Variants in EHBP1 observed in about 807,000 individuals in gnomAD.
EHBP1 encodes EH domain binding protein 1.
In EHBP1, 55 loss-of-function variants were observed where a neutral mutation model predicts 144.0. The ratio of observed to expected loss-of-function variants is 0.38; its 90% CI spans 0.31 to 0.48. EHBP1 has a LOEUF of 0.48. Ranked by LOEUF, EHBP1 falls within the 20% of genes least tolerant of loss-of-function variation. The probability of loss-of-function intolerance (pLI) is 0.98; values close to 1 mark genes in which losing one functional copy is unlikely to be tolerated. For missense variants in EHBP1, 1,200 were observed against 1,364.2 expected, an observed-to-expected ratio of 0.88 and a Z score of 1.90; for synonymous variants, 469 against 472.7, an observed-to-expected ratio of 0.99 and a Z score of 0.10.
At chr2:63,029,286 C>G (rs2061128327) in intron 19 of EHBP1, among the ~76,000 whole-genome samples, 1 of 151,926 alleles carries the variant, frequency 6.6e-6, no homozygotes, top group Non-Finnish European at 1.5e-5. Flanking sequence ...TGTACTGATT[C>G]ACCCACATTT....
intron 21 of EHBP1, among the ~76,000 whole-genome samples, chr2:63,040,064 A>G (rs549268686): frequency 6.6e-6 from 1 of 151,866 alleles, no homozygotes; most frequent in South Asian, 2.1e-4. Flanking sequence ...CTCTTGATAT[A>G]GTTTTTGTAG....
intron 8 of EHBP1, among the ~76,000 whole-genome samples, chr2:62,863,797 TTTTTA>T (rs1167322141): frequency 1.3e-5 from 2 of 151,050 alleles, no homozygotes; most frequent in Non-Finnish European, 2.9e-5. Flanking sequence ...TTTCCTGTTC[TTTTTA>T]TTTTATTTTA....
chr2:62,786,978 T>C (rs1396078589), intron 5 of EHBP1, among the ~76,000 whole-genome samples: 4 of 152,244 alleles, frequency 2.6e-5, no homozygotes, highest in African/African-American at 7.2e-5. Context: ...CTTTAACTGC[T>C]ATGTTCCTTG....
intron 5 of EHBP1, among the ~76,000 whole-genome samples, chr2:62,785,472 G>A (rs964450080): frequency 6.6e-6 from 1 of 152,086 alleles, no homozygotes; most frequent in African/African-American, 2.4e-5. Context: ...TCATTTCAAG[G>A]GCTAAGGGAG....
At chr2:62,993,292 A>G (rs1260381734) in intron 16 of EHBP1, among the ~76,000 whole-genome samples, 1 of 152,186 alleles carries the variant, frequency 6.6e-6, no homozygotes, top group Non-Finnish European at 1.5e-5. Context: ...AATGATATGT[A>G]TCACTGGTGG....
At chr2:62,687,882 A>T (rs1026227465) in intron 1 of EHBP1, among the ~76,000 whole-genome samples, 8 of 152,162 alleles carry the variant, frequency 5.3e-5, no homozygotes, top group African/African-American at 1.9e-4. Context: ...GTCCCAAAGT[A>T]GTTACTGTCA....
At chr2:62,999,052 G>T (rs1053773655) in intron 19 of EHBP1, among the ~76,000 whole-genome samples, 2 of 151,974 alleles carry the variant, frequency 1.3e-5, no homozygotes, top group African/African-American at 2.4e-5. Context: ...ACATTTCAGT[G>T]TACTTTCTGA....
At position 62,934,880 on chromosome 2, in the gene EHBP1, A is replaced by G. The variant is rs1558939857; in HGVS notation, c.1186-7838A>G. Among the ~76,000 whole-genome samples, 3 of 152,274 alleles carry G rather than the reference A, an allele frequency of 2.0e-5. No individual in the cohort carries two copies. In the South Asian group the frequency reaches 6.2e-4, roughly 32 times the overall value. On this transcript the variant is annotated intron_variant, in intron 10 of 22. Coordinates refer to ENST00000431489, the MANE Select transcript of EHBP1 (RefSeq NM_001142616.3). ...ACTTCTCACTTTTTAGCATAATCCTATATATTTCCATGGAATTCATGTTAG... is the reference window on the plus strand; with the variant it reads ...ACTTCTCACTTTTTAGCATAATCCTGTATATTTCCATGGAATTCATGTTAG...
At chr2:62,741,816 AATAAT>A (rs1225534140) in intron 2 of EHBP1, among the ~76,000 whole-genome samples, 1 of 152,184 alleles carries the variant, frequency 6.6e-6, no homozygotes, top group Non-Finnish European at 1.5e-5. Context: ...AATAACAAAA[AATAAT>A]ATAAACAATA....
At chr2:62,681,857 G>T (rs961076656) in intron 1 of EHBP1, among the ~76,000 whole-genome samples, 1 of 152,128 alleles carries the variant, frequency 6.6e-6, no homozygotes, top group Non-Finnish European at 1.5e-5. Context: ...GTGATGGAAA[G>T]AACACAAATG....
chr2:62,719,323 G>T (rs779480677), intron 2 of EHBP1, among the ~76,000 whole-genome samples: 1 of 151,876 alleles, frequency 6.6e-6, no homozygotes, highest in Non-Finnish European at 1.5e-5. Flanking sequence ...CATTATAATT[G>T]TACTTCTAGA....
chr2:62,699,208 G>C (rs1431965182), intron 1 of EHBP1, among the ~76,000 whole-genome samples: 2 of 152,154 alleles, frequency 1.3e-5, no homozygotes, highest in African/African-American at 2.4e-5. Context: ...ACACTGGCTG[G>C]ATGCTGTATC....
intron 10 of EHBP1, among the ~76,000 whole-genome samples, chr2:62,895,318 A>ATCATCT (rs1440790808): frequency 6.6e-6 from 1 of 151,146 alleles, no homozygotes; most frequent in Non-Finnish European, 1.5e-5. Flanking sequence ...CATCATCATC[A>ATCATCT]TCGCTGCAGA....
upstream of EHBP1, chr2:62,705,520 G>A (rs1484826064): frequency 6.6e-6 from 1 of 151,998 alleles, no homozygotes; most frequent in Non-Finnish European, 1.5e-5. Flanking sequence ...GGTAGCCTGT[G>A]CGTCGCATTC....
chr2:63,040,153 T>G (rs1426779897), intron 21 of EHBP1, among the ~76,000 whole-genome samples: 1 of 150,066 alleles, frequency 6.7e-6, no homozygotes, highest in Non-Finnish European at 1.5e-5. Context: ...TATATATATA[T>G]GTATGTGTAA....
intron 5 of EHBP1, among the ~76,000 whole-genome samples, chr2:62,784,112 A>C (rs1312832652): frequency 6.6e-6 from 1 of 152,226 alleles, no homozygotes; most frequent in East Asian, 1.9e-4. Context: ...AAAAATTTAG[A>C]AAAGTGGTCA....
At chr2:62,840,503 C>T (rs1005812660) in intron 7 of EHBP1, among the ~76,000 whole-genome samples, 29 of 149,476 alleles carry the variant, frequency 1.9e-4, no homozygotes, top group Admixed American at 1.9e-3. Context: ...TCTAATTAAA[C>T]TAAAGAGCTT....
chr2:62,746,328 A>G (rs2039149003), intron 2 of EHBP1, among the ~76,000 whole-genome samples: 2 of 151,926 alleles, frequency 1.3e-5, no homozygotes, highest in Non-Finnish European at 2.9e-5. Context: ...AGATAGCAGT[A>G]TAGGTTTGTA....
intron 7 of EHBP1, among the ~76,000 whole-genome samples, chr2:62,848,991 T>G (rs2048489719): frequency 6.6e-6 from 1 of 152,200 alleles, no homozygotes; most frequent in Admixed American, 6.5e-5. Context: ...ACTTTCTGAT[T>G]TATTGATCTA....
Sources: gnomAD v4.1 joint callset for allele counts (sites outside exome capture counted in the v4.1 genomes callset) on GRCh38, gnomAD v4.1.1 for gene constraint, MANE v1.5 for transcripts, NCBI Gene and HGNC (gene_info 2026-07-23, HGNC 2026-07-21) for gene names.